The following ZBTB44 variants were observed in gnomAD, a reference collection of about 807,000 sequenced individuals.
The protein encoded by ZBTB44 is zinc finger and BTB domain containing 44, also known as zinc finger and BTB domain-containing protein 44.
A neutral mutation model predicts 54.0 loss-of-function variants in ZBTB44; 15 were observed. The observed-to-expected ratio is 0.28, with a 90% confidence interval of 0.19 to 0.43. The LOEUF (loss-of-function observed/expected upper bound fraction) is 0.43, where lower values mean the gene tolerates loss of function less well. Ranked by LOEUF, ZBTB44 falls within the 20% of genes least tolerant of loss-of-function variation. The probability of loss-of-function intolerance (pLI) is 1.00; values close to 1 mark genes in which losing one functional copy is unlikely to be tolerated. For missense variants in ZBTB44, 487 were observed against 707.1 expected (o/e 0.69, Z 3.53); for synonymous variants, 230 against 250.1 (o/e 0.92, Z 0.76).
chr11:130,271,866 T>C (rs747237181), intron 1 of ZBTB44, among the ~76,000 whole-genome samples: 8 of 152,188 alleles, frequency 5.3e-5, no homozygotes, highest in Non-Finnish European at 1.0e-4. Context: ...ATATGGTAAC[T>C]CTATATTTAA....
chr11:130,307,286 A>G (rs548083511), intron 1 of ZBTB44, among the ~76,000 whole-genome samples: 2 of 152,050 alleles, frequency 1.3e-5, no homozygotes, highest in South Asian at 2.1e-4. Context: ...TTAGCCAGGC[A>G]TGGTGGCAGG....
At chr11:130,313,922 GTA>G (rs1491101736) in intron 1 of ZBTB44, among the ~76,000 whole-genome samples, 11 of 129,324 alleles carry the variant, frequency 8.5e-5, no homozygotes, top group African/African-American at 2.6e-4. Flanking sequence ...GTGTGTGTGT[GTA>G]TGTGTGTGTG....
chr11:130,275,814 G>A (rs1249481266), intron 1 of ZBTB44, among the ~76,000 whole-genome samples: 1 of 152,054 alleles, frequency 6.6e-6, no homozygotes, highest in African/African-American at 2.4e-5. Context: ...TTTTAGTAAA[G>A]ACAGGGTTTC....
chr11:130,268,432 A>AT (rs1401651685), intron 1 of ZBTB44, among the ~76,000 whole-genome samples: 1 of 152,084 alleles, frequency 6.6e-6, no homozygotes, highest in African/African-American at 2.4e-5. Context: ...AATTGCTAGA[A>AT]TTTTTTAGCA....
chr11:130,313,066 C>A (rs1354331379), intron 1 of ZBTB44, among the ~76,000 whole-genome samples: 1 of 151,998 alleles, frequency 6.6e-6, no homozygotes, highest in Admixed American at 6.6e-5. Flanking sequence ...AACCTCTATA[C>A]GACTAAAATT....
At position 130,238,513 on chromosome 11, in the gene ZBTB44, GA is replaced by G; in HGVS notation, c.1197del (p.Gln400SerfsTer15). 1 of 1,611,352 alleles carries G rather than the reference GA, an allele frequency of 6.2e-7. No homozygotes were observed. The highest frequency in any genetic ancestry group is 1.1e-5 in the South Asian group (1 of 90,230). On this transcript the variant is annotated frameshift_variant, in exon 4 of 8. Coordinates refer to ENST00000357899, the MANE Select transcript of ZBTB44 (RefSeq NM_001301098.2). LOFTEE classifies it high-confidence loss of function. ...AATCGCACCCCGCAGGTTGGACACT[GA>G]AAAGGTCTGTCGGGACCATTTGGAC... The part of the protein sequence containing the change: ...RPSPNGPDRP[F>X]QCPTCGVRFT...
chr11:130,307,201 G>A (rs1942318560), intron 1 of ZBTB44, among the ~76,000 whole-genome samples: 1 of 152,104 alleles, frequency 6.6e-6, no homozygotes, highest in Non-Finnish European at 1.5e-5. Flanking sequence ...AAGGTGGGCA[G>A]ATCACAAGGT....
At chr11:130,289,149 C>T (rs1366155402) in intron 1 of ZBTB44, among the ~76,000 whole-genome samples, 1 of 151,902 alleles carries the variant, frequency 6.6e-6, no homozygotes, top group Non-Finnish European at 1.5e-5. Flanking sequence ...GTATTTGAGG[C>T]AGGGGTCCCT....
intron 1 of ZBTB44, among the ~76,000 whole-genome samples, chr11:130,275,807 T>C (rs546802489): frequency 3.9e-5 from 6 of 152,156 alleles, no homozygotes; most frequent in African/African-American, 1.4e-4. Context: ...TTTGTATTTT[T>C]AGTAAAGACA....
chr11:130,236,019 G>A, intron 5 of ZBTB44: 3 of 964,744 alleles, frequency 3.1e-6, no homozygotes, highest in South Asian at 5.6e-5. Context: ...GAGAAACTAA[G>A]GATTCCTACA....
chr11:130,275,917 C>T (rs954215254), intron 1 of ZBTB44, among the ~76,000 whole-genome samples: 3 of 151,658 alleles, frequency 2.0e-5, no homozygotes, highest in South Asian at 2.1e-4. Context: ...TGAGCCACCG[C>T]GCCAGGTCAT....
chr11:130,246,836 A>C (rs528352403), intron 2 of ZBTB44, among the ~76,000 whole-genome samples: 2 of 152,316 alleles, frequency 1.3e-5, no homozygotes, highest in African/African-American at 4.8e-5. Context: ...ACAGTCTCAC[A>C]AAACAACATA....
Position 130,236,916 on chromosome 11 carries a change from C to T in ZBTB44, c.1445G>A (p.Arg482His), listed in dbSNP as rs745839634. 3.8e-6 allele frequency: 6 copies of T among 1,596,614 alleles called. No individual in the cohort carries two copies. The highest frequency in any genetic ancestry group is 1.1e-5 in the South Asian group (1 of 88,942). The change falls in exon 5 of 8, where the codon CGC becomes CAC. Residue 482 changes from arginine to histidine, a missense_variant. Arg to His is a conservative substitution (Grantham distance 29). Coordinates refer to ENST00000357899, the MANE Select transcript of ZBTB44 (RefSeq NM_001301098.2). ...TTTGCACTCGTAAATCCGAGGCTTGCGGATAATGTGCCGGGAAACCCTCAT... is the reference window on the plus strand; with the variant it reads ...TTTGCACTCGTAAATCCGAGGCTTGTGGATAATGTGCCGGGAAACCCTCAT... ...HHMRVSRHII[R>H]KPRIYECKTC... is the part of the protein sequence containing the mutation.
chr11:130,271,899 G>A (rs1052511720), intron 1 of ZBTB44, among the ~76,000 whole-genome samples: 1 of 152,116 alleles, frequency 6.6e-6, no homozygotes, highest in African/African-American at 2.4e-5. Context: ...TTGTCAGACT[G>A]TCTTCCAAAG....
chr11:130,283,361 A>G (rs909206886), intron 1 of ZBTB44, among the ~76,000 whole-genome samples: 5 of 152,032 alleles, frequency 3.3e-5, no homozygotes, highest in African/African-American at 1.2e-4. Context: ...TAACCATTTT[A>G]AAGTGTACAG....
Position 130,314,664 on chromosome 11 carries a change from G to C in ZBTB44, c.-346C>G, listed in dbSNP as rs1272526298. ...CAGCGCTCGGAGGGGCCAGAGGGGAGGAGCGAGGGGGCCCGGGAGCCGCGC... is the reference window on the plus strand; with the variant it reads ...CAGCGCTCGGAGGGGCCAGAGGGGACGAGCGAGGGGGCCCGGGAGCCGCGC... On this transcript the variant is annotated 5_prime_UTR_variant, in exon 1 of 8. Transcript: ENST00000357899. The C allele has an allele frequency of 2.0e-5, 3 of 151,968 alleles. No individual in the cohort carries two copies. Among genetic ancestry groups the C allele is most frequent in the Non-Finnish European group, 1.5e-5 (1 of 68,012 alleles). The allele number at this position is 151,968 out of a possible 1,614,324, so 9.4% of individuals were successfully genotyped here.
At chr11:130,295,624 T>C in intron 1 of ZBTB44, 2 of 833,418 alleles carry the variant, frequency 2.4e-6, no homozygotes, top group Non-Finnish European at 3.9e-6. Context: ...ATGAAAACTC[T>C]GAAGTTAAAA....
At chr11:130,253,420 C>G (rs753312805) in intron 2 of ZBTB44, among the ~76,000 whole-genome samples, 10 of 152,100 alleles carry the variant, frequency 6.6e-5, no homozygotes, top group Non-Finnish European at 1.5e-4. Flanking sequence ...TCTTATATAC[C>G]AATAACAGAG....
intron 1 of ZBTB44, among the ~76,000 whole-genome samples, chr11:130,308,412 T>C (rs1249674558): frequency 1.3e-5 from 2 of 152,246 alleles, no homozygotes; most frequent in African/African-American, 4.8e-5. Flanking sequence ...AAGTGCTAAC[T>C]CTAAACAGCC....
Sources: gnomAD v4.1 joint callset for allele counts (sites outside exome capture counted in the v4.1 genomes callset) on GRCh38, gnomAD v4.1.1 for gene constraint, MANE v1.5 for transcripts, NCBI Gene and HGNC (gene_info 2026-07-23, HGNC 2026-07-21) for gene names.